The following INTU variants were observed in gnomAD, a reference collection of about 807,000 sequenced individuals.
The protein encoded by INTU is protein inturned.
INTU carries 68 observed loss-of-function variants against 100.5 expected under a neutral mutation model. The observed-to-expected ratio is 0.68, with a 90% CI of 0.56 to 0.83. INTU has a LOEUF of 0.83. Among genes scored for constraint, INTU ranks in the 40% least tolerant of loss-of-function variants. The pLI is 0.00. For synonymous variants in INTU, 357 were observed against 395.7 expected, an observed-to-expected ratio of 0.90 and a Z score of 1.16; for missense variants, 1,071 against 1,114.7, an observed-to-expected ratio of 0.96 and a Z score of 0.56.
chr4:127,705,021 A>G (rs1730817652), intron 10 of INTU, among the ~76,000 whole-genome samples: 1 of 151,966 alleles, frequency 6.6e-6, no homozygotes, highest in African/African-American at 2.4e-5. Flanking sequence ...GAACCCGGGA[A>G]GCAGAAGCTG....
chr4:127,704,132 A>G, intron 9 of INTU, 96 bp from the exon 10 acceptor site: 1 of 997,054 alleles, frequency 1.0e-6, no homozygotes. Flanking sequence ...TTTAGTTACT[A>G]AAGAATATAA....
intron 9 of INTU, among the ~76,000 whole-genome samples, chr4:127,703,602 T>G (rs1020156479): frequency 1.3e-5 from 2 of 152,230 alleles, no homozygotes; most frequent in Non-Finnish European, 2.9e-5. Flanking sequence ...CTTTTATGCC[T>G]GCTCATATAG....
chr4:127,717,052 T>C lies in INTU; in HGVS notation c.*616T>C, dbSNP rs2148742011. The C allele has an allele frequency of 6.6e-6, 1 of 152,336 alleles. No individual in the cohort carries two copies. The allele number at this position is 152,336 out of a possible 1,614,324, so 9.4% of individuals were successfully genotyped here. A position where few individuals can be genotyped will look rare whatever the true frequency, so the allele number is the denominator to read the frequency against. On this transcript the variant is annotated 3_prime_UTR_variant, in exon 16 of 16. Transcript: ENST00000335251. ...AGGATGTGCAGGTTCGTTACATAGG[T>C]AAACATGTGCCATGGCGGTTTGCTC... is the stretch of plus-strand genomic sequence containing the variant.
intron 3 of INTU, among the ~76,000 whole-genome samples, chr4:127,661,399 C>T (rs577441884): frequency 9.2e-5 from 14 of 152,136 alleles, no homozygotes; most frequent in Admixed American, 9.2e-4. Flanking sequence ...ACCTCTCCAC[C>T]CATAAGAATC....
chr4:127,662,113 T>A (rs978160328), intron 3 of INTU, among the ~76,000 whole-genome samples: 8 of 152,170 alleles, frequency 5.3e-5, no homozygotes, highest in African/African-American at 1.9e-4. Context: ...TCAAGTCATT[T>A]GCCCACTTTT....
Position 127,687,751 on chromosome 4 carries a change from C to T in INTU, c.1333C>T (p.Pro445Ser), listed in dbSNP as rs922224823. Residue 445 changes from proline (P) to serine (S), a missense_variant, in exon 8 of 16, where the codon CCT becomes TCT. By Grantham distance (74) the Pro-to-Ser change is moderately conservative. Transcript: ENST00000335251. ...CTTGTTCTTTCAAAGAGCACTTCAG[C>T]CTGCGAAACTGCATTCCAGCGCCAG... is the stretch of plus-strand genomic sequence containing the variant. ...FNLFFQRALQ[P>S]AKLHSSASPS... 1 of 1,613,384 alleles carries T rather than the reference C, an allele frequency of 6.2e-7. No individual in the cohort carries two copies.
chr4:127,682,965 C>A (rs913367244), intron 6 of INTU, among the ~76,000 whole-genome samples: 2 of 151,940 alleles, frequency 1.3e-5, no homozygotes, highest in African/African-American at 2.4e-5. Context: ...GAAAGGCAGA[C>A]CTGGATAAGG....
At chr4:127,646,877 G>A (rs1727618558) in intron 2 of INTU, among the ~76,000 whole-genome samples, 1 of 152,120 alleles carries the variant, frequency 6.6e-6, no homozygotes, top group Non-Finnish European at 1.5e-5. Flanking sequence ...AGAAAACATT[G>A]AGTTTTGAAT....
In INTU at chr4:127,669,036, C is replaced by T; in HGVS notation, c.973C>T (p.Gln325Ter). The change falls in exon 5 of 16, where the codon CAG becomes TAG. Residue 325 changes from glutamine to a stop codon, truncating the protein, a stop_gained and splice_region_variant. Coordinates refer to ENST00000335251, the MANE Select transcript of INTU (RefSeq NM_015693.4). LOFTEE classifies it high-confidence loss of function. ...TTTGATCATTTGTTTCATTTAACAGCAGGAAATTCTTTATCATTATCCAAT... is the reference window on the plus strand; with the variant it reads ...TTTGATCATTTGTTTCATTTAACAGTAGGAAATTCTTTATCATTATCCAAT... The part of the protein sequence containing the change: ...QLDSETSKEE[Q>*]EILYHYPMSE... The T allele has an allele frequency of 7.3e-7, 1 of 1,372,618 alleles. No homozygotes were observed. Among genetic ancestry groups the T allele is most frequent in the South Asian group, 1.4e-5 (1 of 72,414 alleles). 85.0% of individuals were successfully genotyped at this position (1,372,618 alleles called of 1,614,324 possible).
intron 5 of INTU, among the ~76,000 whole-genome samples, chr4:127,673,451 G>T (rs1201107646): frequency 6.6e-6 from 1 of 150,382 alleles, no homozygotes; most frequent in East Asian, 1.9e-4. Flanking sequence ...TCCCTTAAGT[G>T]CTGGGATTAT....
chr4:127,693,207 A>G (rs1025741066), intron 8 of INTU, among the ~76,000 whole-genome samples: 1 of 152,194 alleles, frequency 6.6e-6, no homozygotes, highest in African/African-American at 2.4e-5. Flanking sequence ...CTACCCATCC[A>G]TGGGCATGGG....
At chr4:127,667,352 A>G (rs1728743031) in intron 4 of INTU, among the ~76,000 whole-genome samples, 1 of 152,160 alleles carries the variant, frequency 6.6e-6, no homozygotes, top group African/African-American at 2.4e-5. Context: ...AAATACAGCT[A>G]ATTAAATTGG....
At chr4:127,714,117 G>T (rs1461798225) in intron 15 of INTU, 24 bp downstream of exon 15, 1 of 1,588,314 alleles carries the variant, frequency 6.3e-7, no homozygotes, top group Admixed American at 1.8e-5. Flanking sequence ...AAAAGTATTT[G>T]AAAGTAAAGT....
chr4:127,635,842 C>G (rs1279861241), intron 1 of INTU, among the ~76,000 whole-genome samples: 1 of 152,160 alleles, frequency 6.6e-6, no homozygotes, highest in Non-Finnish European at 1.5e-5. Flanking sequence ...TGCTTTTTGT[C>G]ACTCTATAGG....
At chr4:127,703,700 T>C (rs911468624) in intron 9 of INTU, among the ~76,000 whole-genome samples, 2 of 152,156 alleles carry the variant, frequency 1.3e-5, no homozygotes, top group Non-Finnish European at 2.9e-5. Flanking sequence ...TTTCATGTTA[T>C]CTCTAATTTT....
intron 3 of INTU, among the ~76,000 whole-genome samples, chr4:127,660,312 G>A (rs1276469472): frequency 2.0e-5 from 3 of 152,168 alleles, no homozygotes; most frequent in African/African-American, 7.2e-5. Context: ...GAAGAGAAGA[G>A]GATGGAGGAG....
At chr4:127,702,019 TAGG>T (rs1476314560) in intron 9 of INTU, among the ~76,000 whole-genome samples, 1 of 152,186 alleles carries the variant, frequency 6.6e-6, no homozygotes, top group East Asian at 1.9e-4. Context: ...TATTAACTAT[TAGG>T]AGCAGTTCAG....
intron 15 of INTU, among the ~76,000 whole-genome samples, chr4:127,715,950 A>G (rs1476841084): frequency 1.3e-5 from 2 of 152,184 alleles, no homozygotes; most frequent in African/African-American, 4.8e-5. Context: ...CCATATATTT[A>G]ATGTTTTAAT....
intron 14 of INTU, 147 bp downstream of exon 14, chr4:127,711,249 A>G (rs538789917): frequency 1.9e-5 from 10 of 538,746 alleles, no homozygotes; most frequent in South Asian, 1.0e-4. Context: ...TGCCAAAACA[A>G]TTATACTCAC....
Sources: gnomAD v4.1 joint callset for allele counts (sites outside exome capture counted in the v4.1 genomes callset) on GRCh38, gnomAD v4.1.1 for gene constraint, MANE v1.5 for transcripts, NCBI Gene and HGNC (gene_info 2026-07-23, HGNC 2026-07-21) for gene names.